Variants in RBFOX1 observed in about 807,000 individuals in gnomAD.
RBFOX1 encodes RNA binding protein fox-1 homolog 1.
In RBFOX1, 8 loss-of-function variants were observed where a neutral mutation model predicts 57.7. The observed-to-expected ratio is 0.14, with a 90% CI of 0.08 to 0.25. The LOEUF is 0.25. Ranked by LOEUF, RBFOX1 falls within the 10% of genes least tolerant of loss-of-function variation. The pLI is 1.00. For synonymous variants in RBFOX1, 326 were observed against 222.4 expected, an observed-to-expected ratio of 1.47 and a Z score of -4.15; for missense variants, 611 against 548.5, an observed-to-expected ratio of 1.11 and a Z score of -1.14.
chr16:6,781,222 A>T (rs919572273), intron 3 of RBFOX1, among the ~76,000 whole-genome samples: 1 of 152,090 alleles, frequency 6.6e-6, no homozygotes, highest in African/African-American at 2.4e-5. Context: ...TTGATATGAT[A>T]TGTCACATTT....
chr16:6,594,565 T>A (rs1417172795), intron 2 of RBFOX1, among the ~76,000 whole-genome samples: 1 of 152,182 alleles, frequency 6.6e-6, no homozygotes, highest in Non-Finnish European at 1.5e-5. Flanking sequence ...AGGTTTTTAA[T>A]GTAAAAGCTC....
At chr16:7,585,369 C>G (rs148468575) in intron 6 of RBFOX1, among the ~76,000 whole-genome samples, 40 of 152,320 alleles carry the variant, frequency 2.6e-4, no homozygotes, top group African/African-American at 9.6e-4. Flanking sequence ...ACCAAAAGAT[C>G]TAAGTCCACA....
chr16:6,754,797 C>G (rs1036529670), intron 3 of RBFOX1, among the ~76,000 whole-genome samples: 3 of 151,836 alleles, frequency 2.0e-5, no homozygotes, highest in Admixed American at 6.6e-5. Context: ...CTGGTGTGCT[C>G]CACCCATTAA....
intron 14 of RBFOX1, among the ~76,000 whole-genome samples, chr16:7,690,050 CCTTCCTTGAATCCA>C (rs1157879872): frequency 5.3e-5 from 8 of 152,166 alleles, no homozygotes; most frequent in South Asian, 2.1e-4. Context: ...CCCTTGAATC[CCTTCCTTGAATCCA>C]CTTCCTTGAA....
intron 4 of RBFOX1, among the ~76,000 whole-genome samples, chr16:7,140,190 C>CTCTCTCTG (rs2073348139): frequency 1.4e-5 from 2 of 145,810 alleles, no homozygotes; most frequent in South Asian, 4.6e-4. Flanking sequence ...CTCTCTCTCT[C>CTCTCTCTG]TCTCCCTCCT....
chr16:6,658,922 TTTTTGG>T (rs1290791242), intron 3 of RBFOX1, among the ~76,000 whole-genome samples: 8 of 86,656 alleles, frequency 9.2e-5, no homozygotes, highest in African/African-American at 2.5e-4. Flanking sequence ...GTTTTTTTGT[TTTTTGG>T]TTTTTTTGTT....
intron 4 of RBFOX1, among the ~76,000 whole-genome samples, chr16:7,502,148 A>G (rs937605281): frequency 2.6e-5 from 4 of 152,168 alleles, no homozygotes; most frequent in Admixed American, 6.5e-5. Flanking sequence ...GCAACACACA[A>G]TGAAAGACAA....
chr16:5,852,735 C>T (rs148226767), intron 3 of RBFOX1, among the ~76,000 whole-genome samples: 17 of 152,068 alleles, frequency 1.1e-4, no homozygotes, highest in Admixed American at 3.9e-4. Context: ...GAGGCTGAGG[C>T]GGGAGGATCA....
At chr16:7,588,278 C>G (rs1419746437) in intron 7 of RBFOX1, among the ~76,000 whole-genome samples, 1 of 152,104 alleles carries the variant, frequency 6.6e-6, no homozygotes, top group Admixed American at 6.5e-5. Flanking sequence ...AAGGGTGGTC[C>G]CAGACCAGGA....
At chr16:6,281,400 A>G (rs1005014036) in intron 1 of RBFOX1, among the ~76,000 whole-genome samples, 1 of 151,918 alleles carries the variant, frequency 6.6e-6, no homozygotes, top group African/African-American at 2.4e-5. Flanking sequence ...TTCCACACCA[A>G]CTCCGGAGCC....
At chr16:6,999,559 T>G (rs761987937) in intron 3 of RBFOX1, among the ~76,000 whole-genome samples, 1 of 152,074 alleles carries the variant, frequency 6.6e-6, no homozygotes, top group African/African-American at 2.4e-5. Flanking sequence ...AAAAGTAGAA[T>G]AGTATACTGA....
At chr16:7,404,586 T>A (rs915700121) in intron 4 of RBFOX1, among the ~76,000 whole-genome samples, 11 of 152,196 alleles carry the variant, frequency 7.2e-5, no homozygotes, top group Admixed American at 7.2e-4. Context: ...GTAAATAATT[T>A]ACACCTGAGT....
intron 1 of RBFOX1, among the ~76,000 whole-genome samples, chr16:6,278,428 A>G (rs922057852): frequency 8.0e-5 from 12 of 149,856 alleles, no homozygotes; most frequent in Non-Finnish European, 1.3e-4. Flanking sequence ...GCACAACACA[A>G]GAAGAGTATT....
At chr16:5,373,394 C>G (rs1041225247) in intron 1 of RBFOX1, among the ~76,000 whole-genome samples, 1 of 152,062 alleles carries the variant, frequency 6.6e-6, no homozygotes, top group East Asian at 1.9e-4. Flanking sequence ...GGATTTCCCC[C>G]TTGCTCTTCT....
intron 3 of RBFOX1, among the ~76,000 whole-genome samples, chr16:6,802,452 A>C (rs1240596675): frequency 6.6e-6 from 1 of 152,114 alleles, no homozygotes; most frequent in East Asian, 1.9e-4. Context: ...CGAGGTGGGC[A>C]CATCACCTGA....
intron 2 of RBFOX1, among the ~76,000 whole-genome samples, chr16:6,482,379 C>T (rs889555040): frequency 2.6e-5 from 4 of 152,166 alleles, no homozygotes; most frequent in Non-Finnish European, 2.9e-5. Context: ...TTTCCCCAGC[C>T]AATTAATTTT....
At chr16:5,301,171 C>G (rs921903861) in intron 1 of RBFOX1, among the ~76,000 whole-genome samples, 1 of 152,150 alleles carries the variant, frequency 6.6e-6, no homozygotes, top group African/African-American at 2.4e-5. Context: ...CTTGTTTGTT[C>G]TTTCTTGCTC....
At chr16:6,623,314 G>T (rs1412641066) in intron 2 of RBFOX1, among the ~76,000 whole-genome samples, 1 of 152,142 alleles carries the variant, frequency 6.6e-6, no homozygotes, top group East Asian at 1.9e-4. Flanking sequence ...CAGTGACAGT[G>T]GGGAGCAGAG....
rs529664656 is a variant in RBFOX1 at position 6,215,769 on chromosome 16, G to T, written c.-126-101226G>T. 2.0e-5 allele frequency among the ~76,000 whole-genome samples: 3 copies of T among 152,222 alleles called. No individual in the cohort carries two copies. In the South Asian group the frequency reaches 6.2e-4, roughly 32 times the overall value. On this transcript the variant is annotated intron_variant, in intron 1 of 15. Coordinates refer to ENST00000550418, the MANE Select transcript of RBFOX1 (RefSeq NM_018723.4). ...ACAGCTCTTCGAAAGCAAGTATTCT[G>T]TGGTATTTAACCCAGCCTGTTTTCT...
Sources: allele counts gnomAD v4.1 joint callset (sites outside exome capture counted in the v4.1 genomes callset), GRCh38; gene constraint gnomAD v4.1.1; transcripts MANE v1.5; gene names NCBI Gene and HGNC (gene_info 2026-07-23, HGNC 2026-07-21).